Variants in XPO7 observed in about 807,000 individuals in gnomAD.
XPO7 encodes the protein exportin-7.
In XPO7, 21 loss-of-function variants were observed where a neutral mutation model predicts 144.3. The observed-to-expected ratio is 0.15, with a 90% CI of 0.10 to 0.21. The LOEUF (loss-of-function observed/expected upper bound fraction) is 0.21. Among genes scored for constraint, XPO7 ranks in the 10% least tolerant of loss-of-function variants. The probability of loss-of-function intolerance (pLI) is 1.00; values close to 1 mark genes in which losing one functional copy is unlikely to be tolerated. For synonymous variants in XPO7, 580 were observed against 499.6 expected, an observed-to-expected ratio of 1.16 and a Z score of -2.15; for missense variants, 808 against 1,325.8, an observed-to-expected ratio of 0.61 and a Z score of 6.06.
chr8:21,937,307 C>A (rs1173395491), intron 1 of XPO7, among the ~76,000 whole-genome samples: 1 of 152,142 alleles, frequency 6.6e-6, no homozygotes, highest in Non-Finnish European at 1.5e-5. Context: ...AAACTGTTTG[C>A]TTTTTAAAAC....
chr8:21,979,609 A>G (rs1275378759), intron 8 of XPO7, among the ~76,000 whole-genome samples: 1 of 147,254 alleles, frequency 6.8e-6, no homozygotes, highest in South Asian at 2.2e-4. Flanking sequence ...AGGTTTCACT[A>G]TGTTTGCCAG....
intron 1 of XPO7, among the ~76,000 whole-genome samples, chr8:21,951,187 G>A (rs192240223): frequency 5.0e-4 from 76 of 151,994 alleles, no homozygotes; most frequent in African/African-American, 1.8e-3. Context: ...CCTTTTTGAG[G>A]ACTTGGTGGA....
At chr8:21,989,413 T>C (rs1191242978) in intron 16 of XPO7, among the ~76,000 whole-genome samples, 1 of 152,190 alleles carries the variant, frequency 6.6e-6, no homozygotes, top group Non-Finnish European at 1.5e-5. Context: ...ACAAACTCCT[T>C]CTTAGGTTGT....
At chr8:21,949,142 A>G (rs772738208) in intron 1 of XPO7, among the ~76,000 whole-genome samples, 2 of 152,214 alleles carry the variant, frequency 1.3e-5, no homozygotes, top group African/African-American at 4.8e-5. Context: ...GTTGTATCAC[A>G]TTTTTCAGAA....
intron 25 of XPO7, chr8:22,002,946 C>T (rs866971011): frequency 1.1e-5 from 3 of 265,206 alleles, no homozygotes; most frequent in African/African-American, 4.5e-5. Context: ...TACGTGACCC[C>T]ATCCCATTCC....
chr8:21,983,430 G>T (rs1354612600), intron 11 of XPO7, among the ~76,000 whole-genome samples: 1 of 152,204 alleles, frequency 6.6e-6, no homozygotes, highest in Non-Finnish European at 1.5e-5. Flanking sequence ...TTTGTCAAGA[G>T]AATTTACTTG....
chr8:21,999,229 A>G lies in XPO7; in HGVS notation c.2567A>G (p.Tyr856Cys). Residue 856 changes from tyrosine (Y) to cysteine (C), a missense_variant, in exon 23 of 28, where the codon TAT becomes TGT. This residue lies in a region of XPO7 where 416 missense variants were observed against 612.5 expected (regional missense o/e 0.68). Transcript: ENST00000252512. ...GTCAATTTCGGAGTCTTTCGTCTCT[A>G]TGGAGACGATGCCCTGGACAATGCT... ...SYVNFGVFRL[Y>C]GDDALDNALQ... The G allele has an allele frequency of 6.2e-7, 1 of 1,613,892 alleles. No individual in the cohort carries two copies. Among genetic ancestry groups the G allele is most frequent in the Non-Finnish European group, 8.5e-7 (1 of 1,179,872 alleles).
At chr8:21,990,766 C>CT (rs761228449) in intron 17 of XPO7, 45 bp from the exon 18 acceptor site, 1 of 1,589,410 alleles carries the variant, frequency 6.3e-7, no homozygotes, top group South Asian at 1.1e-5. Context: ...CATTCTGCCT[C>CT]TAACTCATGT....
intron 10 of XPO7, 79 bp downstream of exon 10, chr8:21,981,956 A>ATT: frequency 6.5e-7 from 1 of 1,543,448 alleles, no homozygotes; most frequent in Non-Finnish European, 8.8e-7. Context: ...GTAAGAATAT[A>ATT]TTTTTTTTTC....
chr8:21,995,378 A>G, intron 20 of XPO7, 114 bp from the exon 21 acceptor site: 1 of 783,608 alleles, frequency 1.3e-6, no homozygotes, highest in South Asian at 1.8e-5. Flanking sequence ...AGCAAGAGAC[A>G]GGAACTTAAA....
intron 1 of XPO7, among the ~76,000 whole-genome samples, chr8:21,958,530 T>C (rs1012391458): frequency 2.9e-4 from 44 of 151,228 alleles, no homozygotes; most frequent in African/African-American, 1.0e-3. Flanking sequence ...GAACTCGACA[T>C]AGCACTTCAG....
Position 21,945,507 on chromosome 8 carries a change from C to G in XPO7, c.19-21350C>G, listed in dbSNP as rs563772885. On this transcript the variant is annotated intron_variant, in intron 1 of 27. Transcript: ENST00000252512. ...ACATAGGTGTAAAACAGGAAAGATA[C>G]AGTTTAACAACATGTTTGAGACAAA... Among the ~76,000 whole-genome samples, 17 of 152,314 alleles carry G rather than the reference C, an allele frequency of 1.1e-4. No individual in the cohort carries two copies. In the East Asian group the frequency reaches 2.9e-3, roughly 26 times the overall value.
intron 7 of XPO7, 45 bp from the exon 8 acceptor site, chr8:21,977,725 G>A (rs777586978): frequency 6.3e-7 from 1 of 1,583,244 alleles, no homozygotes. Context: ...CAGCGGCAAT[G>A]TTCATACTTA....
chr8:21,939,421 A>G (rs1642762921), intron 1 of XPO7, among the ~76,000 whole-genome samples: 1 of 152,004 alleles, frequency 6.6e-6, no homozygotes, highest in South Asian at 2.1e-4. Context: ...GAGTTTCTCC[A>G]TGTTGGTCAA....
At chr8:22,002,308 T>C (rs560605721) in intron 25 of XPO7, 36 bp downstream of exon 25, 1 of 1,600,626 alleles carries the variant, frequency 6.2e-7, no homozygotes, top group South Asian at 1.1e-5. Context: ...AGTGATGGGG[T>C]GTCCGACAGA....
Position 21,982,706 on chromosome 8 carries a change from G to C in XPO7, c.1171G>C (p.Val391Leu). 6.2e-7 allele frequency: 1 copy of C among 1,613,800 alleles called. No individual in the cohort carries two copies. Among genetic ancestry groups the C allele is most frequent in the Non-Finnish European group, 8.5e-7 (1 of 1,179,804 alleles). ...LSLWQRLAAS[V>L]PYVKATEPHM... ...CCTGTGGCAGCGGCTGGCAGCCTCT[G>C]TGCCGTATGTCAAAGCCACAGAGCC... Residue 391 changes from valine (V) to leucine (L), a missense_variant, in exon 11 of 28, where the codon GTG becomes CTG. Physicochemically the swap from Val to Leu is conservative, Grantham distance 32. Transcript: ENST00000252512.
intron 6 of XPO7, among the ~76,000 whole-genome samples, chr8:21,975,450 T>C (rs2050741572): frequency 1.3e-5 from 2 of 152,244 alleles, no homozygotes. Context: ...GTAACACAGC[T>C]CGGATGCTTT....
chr8:21,960,283 C>T (rs1369439556), intron 1 of XPO7, among the ~76,000 whole-genome samples: 1 of 152,206 alleles, frequency 6.6e-6, no homozygotes, highest in Non-Finnish European at 1.5e-5. Context: ...GACTGTGGGC[C>T]CGTTTCAGGG....
At chr8:21,965,903 T>G (rs1811866946) in intron 1 of XPO7, among the ~76,000 whole-genome samples, 1 of 152,210 alleles carries the variant, frequency 6.6e-6, no homozygotes, top group Non-Finnish European at 1.5e-5. Flanking sequence ...AAACTATCCT[T>G]GCTGCTGGTG....
Sources: gnomAD v4.1 joint callset for allele counts (sites outside exome capture counted in the v4.1 genomes callset) on GRCh38, gnomAD v4.1.1 for gene constraint, gnomAD v4.1.1 regional missense constraint, MANE v1.5 for transcripts, NCBI Gene and HGNC (gene_info 2026-07-23, HGNC 2026-07-21) for gene names.